The following SMS variants were observed in gnomAD, a reference collection of about 807,000 sequenced individuals.
SMS encodes the protein spermidine aminopropyltransferase.
SMS carries 3 observed loss-of-function variants against 33.0 expected under a neutral mutation model. The ratio of observed to expected loss-of-function variants is 0.09; its 90% CI spans 0.04 to 0.23. The LOEUF (loss-of-function observed/expected upper bound fraction) is 0.23. Ranked by LOEUF, SMS falls within the 10% of genes least tolerant of loss-of-function variation. The pLI is 1.00. For missense variants in SMS, 117 were observed against 288.6 expected, an observed-to-expected ratio of 0.41 and a Z score of 4.31; for synonymous variants, 103 against 112.2, an observed-to-expected ratio of 0.92 and a Z score of 0.52.
intron 7 of SMS, among the ~76,000 whole-genome samples, chrX:21,980,499 AAGTT>A (rs1371211576): frequency 1.9e-5 from 2 of 105,549 alleles, no homozygotes; most frequent in Admixed American, 1.1e-4. Flanking sequence ...TCTAAAATAA[AAGTT>A]AAATTATAAA....
chrX:21,958,664 T>C (rs1225113721), intron 1 of SMS, among the ~76,000 whole-genome samples: 1 of 112,346 alleles, frequency 8.9e-6, no homozygotes, highest in East Asian at 2.8e-4. Context: ...TTTACATCTC[T>C]ATGAGTTTGC....
intron 1 of SMS, among the ~76,000 whole-genome samples, chrX:21,955,727 C>T (rs1421262808): frequency 8.9e-6 from 1 of 111,734 alleles, no homozygotes; most frequent in Non-Finnish European, 1.9e-5. Context: ...GGTCCTTAAG[C>T]TGACGGGGCC....
At chrX:21,975,888 G>A (rs1057175455) in intron 4 of SMS, among the ~76,000 whole-genome samples, 2 of 110,818 alleles carry the variant, frequency 1.8e-5, no homozygotes, top group East Asian at 2.9e-4. Flanking sequence ...ACTCATAAGA[G>A]TACGTCAGGC....
chrX:21,967,898 G>A (rs184131941), intron 2 of SMS, among the ~76,000 whole-genome samples: 1 of 112,416 alleles, frequency 8.9e-6, no homozygotes, highest in African/African-American at 3.2e-5. Flanking sequence ...GTAGAACTCA[G>A]CCTCTTAAGT....
Position 21,993,261 on chromosome X carries a change from C to T in SMS, c.1061+549C>T, listed in dbSNP as rs1361638408. ...AACCTGACATTAATACTAGTTTCTA[C>T]ACTTGATGCTAATTTGCAACAGAAA... On this transcript the variant is annotated intron_variant, in intron 10 of 10. Coordinates refer to ENST00000404933, the MANE Select transcript of SMS (RefSeq NM_004595.5). 2.7e-5 allele frequency among the ~76,000 whole-genome samples: 3 copies of T among 112,985 alleles called. No homozygotes were observed. In the East Asian group the frequency reaches 8.2e-4, roughly 31 times the overall value.
chrX:21,954,541 TC>T (rs1287847130), intron 1 of SMS, among the ~76,000 whole-genome samples: 3 of 111,995 alleles, frequency 2.7e-5, no homozygotes, highest in Non-Finnish European at 3.8e-5. Context: ...TTGACTTGTG[TC>T]CTCTGTCTTT....
At chrX:21,960,133 C>T (rs1408486449) in intron 1 of SMS, 2 of 124,068 alleles carry the variant, frequency 1.6e-5, no homozygotes, top group Non-Finnish European at 3.1e-5. Flanking sequence ...GCTGCAGTTG[C>T]TGGAGCAGTA....
At chrX:21,963,305 T>G (rs1923485337) in intron 1 of SMS, among the ~76,000 whole-genome samples, 1 of 110,976 alleles carries the variant, frequency 9.0e-6, no homozygotes, top group Non-Finnish European at 1.9e-5. Flanking sequence ...GGCAAAATGG[T>G]GGTGTCCCCA....
Position 21,992,714 on chromosome X carries a change from T to G in SMS, c.1061+2T>G. On this transcript the variant is annotated splice_donor_variant, in intron 10 of 10. Coordinates refer to ENST00000404933, the MANE Select transcript of SMS (RefSeq NM_004595.5). LOFTEE classifies it high-confidence loss of function. ...CTGTGTCCCTTCATACTTGGAATTG[T>G]ATCCTTTGACCGTGACATTCTGTTG... 1 of 1,092,285 alleles carries G rather than the reference T, an allele frequency of 9.2e-7. No homozygotes were observed. Among genetic ancestry groups the G allele is most frequent in the Non-Finnish European group, 1.3e-6 (1 of 787,322 alleles). 90.0% of individuals were successfully genotyped at this position (1,092,285 alleles called of 1,213,427 possible). A position where few individuals can be genotyped will look rare whatever the true frequency, so the allele number is the denominator to read the frequency against.
intron 9 of SMS, among the ~76,000 whole-genome samples, chrX:21,991,323 G>T (rs190709329): frequency 9.0e-6 from 1 of 110,800 alleles, no homozygotes; most frequent in East Asian, 2.8e-4. Flanking sequence ...GGTTACAGGC[G>T]CATGCCACCA....
At chrX:21,976,328 T>C (rs1057367091) in intron 4 of SMS, among the ~76,000 whole-genome samples, 17 of 110,663 alleles carry the variant, frequency 1.5e-4, no homozygotes, top group African/African-American at 5.6e-4. Flanking sequence ...CCTTTGCAAA[T>C]GGAGAGAGCC....
chrX:21,954,495 A>G (rs962463344), intron 1 of SMS, among the ~76,000 whole-genome samples: 1 of 112,247 alleles, frequency 8.9e-6, no homozygotes, highest in Admixed American at 9.4e-5. Flanking sequence ...TCTGGAATCC[A>G]TCATAGTGCA....
At chrX:21,964,229 A>G (rs962731486) in intron 1 of SMS, among the ~76,000 whole-genome samples, 1 of 111,774 alleles carries the variant, frequency 8.9e-6, no homozygotes, top group African/African-American at 3.3e-5. Context: ...TTTGCTAGGA[A>G]CAAATGAGAG....
At chrX:21,956,450 ATTTTTTTTTATT>A (rs2147497212) in intron 1 of SMS, among the ~76,000 whole-genome samples, 1 of 108,577 alleles carries the variant, frequency 9.2e-6, no homozygotes, top group Admixed American at 9.8e-5. Flanking sequence ...CACCTGGCTA[ATTTTTTTTTATT>A]TTTATTTTTA....
intron 7 of SMS, among the ~76,000 whole-genome samples, chrX:21,980,370 T>C (rs1195652227): frequency 1.1e-5 from 1 of 93,443 alleles, no homozygotes; most frequent in African/African-American, 3.9e-5. Flanking sequence ...TGAGCTGAGA[T>C]TGCACCACTG....
chrX:21,992,119 C>T (rs762837398), intron 9 of SMS, among the ~76,000 whole-genome samples: 2 of 112,041 alleles, frequency 1.8e-5, no homozygotes, highest in Non-Finnish European at 3.8e-5. Flanking sequence ...TACACAGATT[C>T]TAGGAAAAAA....
At chrX:21,941,777 C>T (rs185632202) in intron 1 of SMS, among the ~76,000 whole-genome samples, 5,284 of 104,678 alleles carry the variant, frequency 0.05, 159 homozygotes, top group African/African-American at 0.1. Context: ...CCCAGCTACT[C>T]GGGAGGCTGA....
At chrX:21,954,826 A>G (rs1364668225) in intron 1 of SMS, among the ~76,000 whole-genome samples, 1 of 111,872 alleles carries the variant, frequency 8.9e-6, no homozygotes, top group East Asian at 2.8e-4. Context: ...ATAGATGCTC[A>G]GACAGAACCC....
At chrX:21,987,612 C>T (rs768297858) in intron 9 of SMS, among the ~76,000 whole-genome samples, 57 of 112,719 alleles carry the variant, frequency 5.1e-4, no homozygotes, top group Non-Finnish European at 7.9e-4. Context: ...CATGAGTGAC[C>T]GTGCCCAGGC....
Sources: gnomAD v4.1 joint callset for allele counts (sites outside exome capture counted in the v4.1 genomes callset) on GRCh38, gnomAD v4.1.1 for gene constraint, MANE v1.5 for transcripts, NCBI Gene and HGNC (gene_info 2026-07-23, HGNC 2026-07-21) for gene names.